MAEL: variants seen among roughly 807,000 people sequenced by gnomAD.
MAEL encodes the protein maelstrom spermatogenic transposon silencer, also known as protein maelstrom homolog.
In MAEL, 46 loss-of-function variants were observed where a neutral mutation model predicts 62.0. The ratio of observed to expected loss-of-function variants is 0.74; its 90% confidence interval spans 0.59 to 0.95. The LOEUF (loss-of-function observed/expected upper bound fraction) is 0.95, where lower values mean the gene tolerates loss of function less well. Among genes scored for constraint, MAEL ranks in the 40% least tolerant of loss-of-function variants. MAEL has a pLI of 0.00. For synonymous variants in MAEL, 172 were observed against 175.5 expected (o/e 0.98, Z 0.16); for missense variants, 497 against 526.8 (o/e 0.94, Z 0.55).
At chr1:166,991,628 A>G (rs190019061) in intron 3 of MAEL, 151 bp downstream of exon 3, 26 of 530,972 alleles carry the variant, frequency 4.9e-5, no homozygotes, top group African/African-American at 3.8e-4. Context: ...ATTATAAAAG[A>G]TTAGGTAATT....
At chr1:167,016,134 T>A (rs1033420737) in intron 8 of MAEL, 88 bp from the exon 9 acceptor site, 10 of 1,190,564 alleles carry the variant, frequency 8.4e-6, no homozygotes, top group South Asian at 3.7e-5. Context: ...CCTCATTTTT[T>A]AAAAGATTTC....
chr1:167,017,954 T>TA lies in MAEL; in HGVS notation c.1037dup (p.Tyr346Ter). ...PKMVVLDAGRYQKLRVGSSGF... is the reference protein window; with the variant it reads ...PKMVVLDAGR ...AATGGTTGTATTGGATGCAGGGCGTTACCAGGTAAGGAACTGACTTTTAAG... is the reference window on the plus strand; with the variant it reads ...AATGGTTGTATTGGATGCAGGGCGTTAACCAGGTAAGGAACTGACTTTTAAG... The change falls in exon 10 of 12, where the codon TAC becomes TAAC. Residue 346 changes from tyrosine (Y) to a stop codon, truncating the protein, a stop_gained and frameshift_variant. Coordinates refer to ENST00000367872, the MANE Select transcript of MAEL (RefSeq NM_032858.3). LOFTEE classifies it high-confidence loss of function. 6.2e-7 allele frequency: 1 copy of TA among 1,612,912 alleles called. No individual in the cohort carries two copies. Among genetic ancestry groups the TA allele is most frequent in the Non-Finnish European group, 8.5e-7 (1 of 1,179,272 alleles).
intron 2 of MAEL, 23 bp downstream of exon 2, chr1:166,989,852 C>A: frequency 6.4e-7 from 1 of 1,574,548 alleles, no homozygotes; most frequent in South Asian, 1.1e-5. Flanking sequence ...AGAGAAGAGC[C>A]GCCATCTGCC....
At chr1:166,992,011 T>C (rs1024075210) in intron 3 of MAEL, among the ~76,000 whole-genome samples, 11 of 152,266 alleles carry the variant, frequency 7.2e-5, no homozygotes, top group African/African-American at 2.6e-4. Context: ...GAATAAAATA[T>C]TTAAAAATCC....
At chr1:167,005,854 A>C (rs1011320976) in intron 8 of MAEL, 3 of 152,434 alleles carry the variant, frequency 2.0e-5, no homozygotes, top group Non-Finnish European at 4.4e-5. Flanking sequence ...TTTGTTTCTA[A>C]ATATATATAC....
intron 8 of MAEL, among the ~76,000 whole-genome samples, chr1:167,013,176 A>G (rs1665240699): frequency 6.6e-6 from 1 of 152,212 alleles, no homozygotes; most frequent in Admixed American, 6.5e-5. Flanking sequence ...GCTAGAGCTC[A>G]GTGAAGCGGT....
chr1:166,989,458 A>G lies in MAEL; in HGVS notation c.106A>G (p.Ile36Val), dbSNP rs200668978. The change falls in exon 1 of 12, where the codon ATC becomes GTC. Residue 36 changes from isoleucine (I) to valine (V), a missense_variant. Coordinates refer to ENST00000367872, the MANE Select transcript of MAEL (RefSeq NM_032858.3). ...GCCTGTGGCTCGCGTTGCTGATGCC[A>G]TCCCTTACTGCTCCTCAGACTGGGC... is the stretch of plus-strand genomic sequence containing the variant. ...GLPVARVADA[I>V]PYCSSDWALL... The G allele has an allele frequency of 1.0e-5, 16 of 1,587,786 alleles. No individual in the cohort carries two copies. The African/African-American group carries it at 1.3e-4, about 13-fold the overall frequency.
rs1332060204 is a variant in MAEL at position 166,989,736 on chromosome 1, G to A, written c.133-1G>A. The A allele has an allele frequency of 1.9e-6, 3 of 1,613,470 alleles. No individual in the cohort carries two copies. The highest frequency in any genetic ancestry group is 2.5e-6 in the Non-Finnish European group (3 of 1,179,790). ...TTCTTTGCTCCTTCAATCCCCAAAAGCTTCTGAGGGAGGAAGAAAAGGAGA... is the reference window on the plus strand; with the variant it reads ...TTCTTTGCTCCTTCAATCCCCAAAAACTTCTGAGGGAGGAAGAAAAGGAGA... On this transcript the variant is annotated splice_acceptor_variant, in intron 1 of 11. Coordinates refer to ENST00000367872, the MANE Select transcript of MAEL (RefSeq NM_032858.3). LOFTEE classifies it high-confidence loss of function.
At chr1:166,989,163 A>G (rs1664031555), upstream of MAEL, 4 of 787,728 alleles carry the variant, frequency 5.1e-6, no homozygotes, top group Non-Finnish European at 5.8e-6. Context: ...GCAAGGCGGC[A>G]CGAGCCGGAA....
chr1:167,005,539 A>G (rs368464325), intron 8 of MAEL, 142 bp downstream of exon 8: 19 of 701,930 alleles, frequency 2.7e-5, no homozygotes, highest in East Asian at 1.7e-4. Context: ...ATAAAATTTC[A>G]TTGATAGTAA....
At chr1:167,009,582 T>C (rs1665079304) in intron 8 of MAEL, among the ~76,000 whole-genome samples, 2 of 140,250 alleles carry the variant, frequency 1.4e-5, no homozygotes, top group South Asian at 4.4e-4. Flanking sequence ...CAGGTTCTAT[T>C]TCTGGAGATT....
chr1:167,000,986 A>T (rs1379811351), intron 5 of MAEL, among the ~76,000 whole-genome samples: 1 of 152,258 alleles, frequency 6.6e-6, no homozygotes, highest in Non-Finnish European at 1.5e-5. Flanking sequence ...AATTGCAAAA[A>T]TGTGGAACCA....
rs185143652 is a variant in MAEL, at chr1:167,017,474, G to C, written c.909-353G>C. On this transcript the variant is annotated intron_variant, in intron 9 of 11. Transcript: ENST00000367872. Reference sequence around the variant, plus strand: ...CCTGGGTGCTCTGGTAGCCCAGTGGGTGATATTAGTTCACAGGATAGATTA... The same window carrying C: ...CCTGGGTGCTCTGGTAGCCCAGTGGCTGATATTAGTTCACAGGATAGATTA... 1.3e-3 allele frequency among the ~76,000 whole-genome samples: 195 copies of C among 152,230 alleles called. No individual in the cohort carries two copies. In the Middle Eastern group the frequency reaches 0.017, roughly 13 times the overall value.
upstream of MAEL, among the ~76,000 whole-genome samples, chr1:166,988,544 C>A (rs1324255346): frequency 1.3e-5 from 2 of 151,736 alleles, no homozygotes; most frequent in African/African-American, 4.8e-5. Flanking sequence ...CCGAGAGAAC[C>A]AACTAGCACG....
At chr1:167,013,245 A>G (rs938433141) in intron 8 of MAEL, among the ~76,000 whole-genome samples, 4 of 152,228 alleles carry the variant, frequency 2.6e-5, no homozygotes, top group Non-Finnish European at 5.9e-5. Context: ...CAGTACAGGA[A>G]GACAAGTCTT....
At chr1:166,986,010 ACTT>A (rs1316365233), upstream of MAEL, among the ~76,000 whole-genome samples, 1 of 152,206 alleles carries the variant, frequency 6.6e-6, no homozygotes, top group East Asian at 1.9e-4. Context: ...GACCCAATCA[ACTT>A]CTAGAGATGA....
chr1:166,993,951 G>C, intron 4 of MAEL, 77 bp from the exon 5 acceptor site: 1 of 1,057,738 alleles, frequency 9.5e-7, no homozygotes, highest in Non-Finnish European at 1.4e-6. Flanking sequence ...TGATAACTTG[G>C]TCATCTTGTA....
rs1470199353 is a variant in MAEL at position 166,994,086 on chromosome 1, G to A, written c.523+17G>A. On this transcript the variant is annotated intron_variant, in intron 5 of 11. Coordinates refer to ENST00000367872, the MANE Select transcript of MAEL (RefSeq NM_032858.3). ...AGGCTGCAAGTAAGTATAAAGGAAT[G>A]GGGTAGGATTTGTGACTTGAATCTA... 1 of 1,609,556 alleles carries A rather than the reference G, an allele frequency of 6.2e-7. No homozygotes were observed. The highest frequency in any genetic ancestry group is 1.7e-5 in the Admixed American group (1 of 59,672).
intron 10 of MAEL, among the ~76,000 whole-genome samples, chr1:167,018,765 T>C (rs1485280733): frequency 1.3e-5 from 2 of 152,192 alleles, no homozygotes; most frequent in Non-Finnish European, 2.9e-5. Flanking sequence ...CTTTAGAATA[T>C]ACTGTATGAT....
Sources: gnomAD v4.1 joint callset for allele counts (sites outside exome capture counted in the v4.1 genomes callset) on GRCh38, gnomAD v4.1.1 for gene constraint, MANE v1.5 for transcripts, NCBI Gene and HGNC (gene_info 2026-07-23, HGNC 2026-07-21) for gene names.